PLPPR1: variants seen among roughly 807,000 people sequenced by gnomAD.
PLPPR1 encodes the protein phospholipid phosphatase-related protein type 1.
A neutral mutation model predicts 33.1 loss-of-function variants in PLPPR1; 10 were observed. The observed-to-expected ratio is 0.30, with a 90% CI of 0.19 to 0.51. The LOEUF is 0.51. Ranked by LOEUF, PLPPR1 falls within the 20% of genes least tolerant of loss-of-function variation. The pLI is 0.97. For synonymous variants in PLPPR1, 151 were observed against 151.0 expected (o/e 1.00, Z 0.00); for missense variants, 304 against 408.1 (o/e 0.74, Z 2.20).
intron 4 of PLPPR1, among the ~76,000 whole-genome samples, chr9:101,300,387 G>A (rs535982701): frequency 6.6e-6 from 1 of 152,242 alleles, no homozygotes; most frequent in African/African-American, 2.4e-5. Context: ...CTATGTTGCC[G>A]AGGTTGGTCT....
intron 2 of PLPPR1, among the ~76,000 whole-genome samples, chr9:101,230,182 C>T (rs1331522280): frequency 6.6e-6 from 1 of 152,000 alleles, no homozygotes; most frequent in Non-Finnish European, 1.5e-5. Flanking sequence ...CAGAATAAAA[C>T]CAGGATGTAT....
chr9:101,115,667 G>A (rs919848218), intron 1 of PLPPR1, among the ~76,000 whole-genome samples: 6 of 152,132 alleles, frequency 3.9e-5, no homozygotes, highest in Admixed American at 2.6e-4. Context: ...ATACCATATG[G>A]CATGTGTGTA....
chr9:101,088,902 G>GAGCT (rs1346527008), intron 1 of PLPPR1, among the ~76,000 whole-genome samples: 2 of 152,008 alleles, frequency 1.3e-5, no homozygotes, highest in Admixed American at 1.3e-4. Flanking sequence ...AAACACAAAA[G>GAGCT]AGCTACTCAT....
At chr9:101,112,255 A>T (rs1432313516) in intron 1 of PLPPR1, among the ~76,000 whole-genome samples, 2 of 152,232 alleles carry the variant, frequency 1.3e-5, no homozygotes, top group Non-Finnish European at 2.9e-5. Context: ...TATGAAGCAC[A>T]TACATATATG....
At chr9:101,084,664 T>C (rs1489200567) in intron 1 of PLPPR1, among the ~76,000 whole-genome samples, 1 of 152,238 alleles carries the variant, frequency 6.6e-6, no homozygotes, top group East Asian at 1.9e-4. Flanking sequence ...GTTACAGTTC[T>C]GTTCAATTTT....
At chr9:101,086,840 A>G (rs1830682790) in intron 1 of PLPPR1, among the ~76,000 whole-genome samples, 1 of 152,158 alleles carries the variant, frequency 6.6e-6, no homozygotes, top group Non-Finnish European at 1.5e-5. Context: ...TTTGATGACT[A>G]ATCTAAATAT....
At chr9:101,030,264 A>G (rs1001420055) in intron 1 of PLPPR1, among the ~76,000 whole-genome samples, 1 of 151,806 alleles carries the variant, frequency 6.6e-6, no homozygotes, top group African/African-American at 2.4e-5. Context: ...AGGGAGATAG[A>G]AGAGGGACAA....
At chr9:101,271,577 G>A (rs1219428990) in intron 3 of PLPPR1, among the ~76,000 whole-genome samples, 2 of 152,084 alleles carry the variant, frequency 1.3e-5, no homozygotes, top group East Asian at 3.9e-4. Context: ...AAGCATACAG[G>A]ACACCTTTCC....
chr9:101,243,548 C>G (rs1049917953), intron 2 of PLPPR1, among the ~76,000 whole-genome samples: 2 of 151,902 alleles, frequency 1.3e-5, no homozygotes, highest in African/African-American at 4.8e-5. Context: ...TCTTGAGTAA[C>G]TGTATAGATA....
rs191920203 is a variant in PLPPR1 at position 101,035,790 on chromosome 9, G to T, written c.-46+6688G>T. Reference sequence around the variant, plus strand: ...TCATATTATAGAAAATCATAGGATTGTCCCAAGTTCAAAGATTCGTTAGAA... The same window carrying T: ...TCATATTATAGAAAATCATAGGATTTTCCCAAGTTCAAAGATTCGTTAGAA... On this transcript the variant is annotated intron_variant, in intron 1 of 7. Coordinates refer to ENST00000374874, the MANE Select transcript of PLPPR1 (RefSeq NM_207299.2). Among the ~76,000 whole-genome samples the T allele has an allele frequency of 6.8e-4, 103 of 152,244 alleles. No homozygotes were observed. The Middle Eastern group carries it at 0.01, about 15-fold the overall frequency.
At chr9:101,257,495 G>A (rs910084369) in intron 2 of PLPPR1, among the ~76,000 whole-genome samples, 5 of 152,070 alleles carry the variant, frequency 3.3e-5, no homozygotes, top group African/African-American at 1.2e-4. Context: ...AGAGGGATTG[G>A]GATAGTCACA....
At chr9:101,124,782 C>T (rs1237016764) in intron 1 of PLPPR1, among the ~76,000 whole-genome samples, 1 of 152,134 alleles carries the variant, frequency 6.6e-6, no homozygotes, top group Non-Finnish European at 1.5e-5. Context: ...CAAGTAAATC[C>T]TCTTCCCCAT....
At chr9:101,294,920 T>G (rs550074760) in intron 4 of PLPPR1, among the ~76,000 whole-genome samples, 5 of 152,188 alleles carry the variant, frequency 3.3e-5, no homozygotes, top group African/African-American at 1.2e-4. Flanking sequence ...CTACTACTCC[T>G]ATTCGACATA....
chr9:101,122,114 A>C (rs1335635401), intron 1 of PLPPR1, among the ~76,000 whole-genome samples: 2 of 152,162 alleles, frequency 1.3e-5, no homozygotes, highest in Admixed American at 1.3e-4. Flanking sequence ...TTTGTTTTTC[A>C]GGTTAGTTAT....
At chr9:101,191,860 T>C (rs570698682) in intron 2 of PLPPR1, among the ~76,000 whole-genome samples, 1 of 152,314 alleles carries the variant, frequency 6.6e-6, no homozygotes, top group East Asian at 1.9e-4. Context: ...GTACCAGGAA[T>C]TGGACAGAAT....
intron 1 of PLPPR1, among the ~76,000 whole-genome samples, chr9:101,144,068 A>G (rs941886885): frequency 3.3e-5 from 5 of 152,236 alleles, no homozygotes; most frequent in Non-Finnish European, 7.3e-5. Flanking sequence ...CACATATACC[A>G]TGGAATACTA....
At chr9:101,275,746 AC>A (rs1828178727) in intron 3 of PLPPR1, among the ~76,000 whole-genome samples, 1 of 152,014 alleles carries the variant, frequency 6.6e-6, no homozygotes, top group Non-Finnish European at 1.5e-5. Flanking sequence ...TGGCTATTAA[AC>A]CTTTTTTCTT....
At chr9:101,261,997 A>AGATATAGCTCTGTAT (rs1827908054) in intron 2 of PLPPR1, among the ~76,000 whole-genome samples, 1 of 152,122 alleles carries the variant, frequency 6.6e-6, no homozygotes, top group South Asian at 2.1e-4. Context: ...AAAAAAAAAA[A>AGATATAGCTCTGTAT]GATATAGCTC....
intron 1 of PLPPR1, among the ~76,000 whole-genome samples, chr9:101,124,794 T>C (rs1831224412): frequency 6.6e-6 from 1 of 152,220 alleles, no homozygotes; most frequent in Non-Finnish European, 1.5e-5. Flanking sequence ...CTTCCCCATA[T>C]AGTTATCTTT....
Sources: gnomAD v4.1 joint callset for allele counts (sites outside exome capture counted in the v4.1 genomes callset) on GRCh38, gnomAD v4.1.1 for gene constraint, MANE v1.5 for transcripts, NCBI Gene and HGNC (gene_info 2026-07-23, HGNC 2026-07-21) for gene names.